Variants in DAB2IP observed in about 807,000 individuals in gnomAD.
DAB2IP encodes the protein disabled homolog 2-interacting protein.
Under a neutral mutation model 107.2 loss-of-function variants are expected in DAB2IP, and 28 were observed. The ratio of observed to expected loss-of-function variants is 0.26; its 90% CI spans 0.19 to 0.36. The LOEUF (loss-of-function observed/expected upper bound fraction) is 0.36, where lower values mean the gene tolerates loss of function less well. Ranked by LOEUF, DAB2IP falls within the 10% of genes least tolerant of loss-of-function variation. The pLI, the probability that DAB2IP is intolerant of heterozygous loss-of-function variation, is 1.00. For synonymous variants in DAB2IP, 755 were observed against 706.4 expected, an observed-to-expected ratio of 1.07 and a Z score of -1.09; for missense variants, 1,400 against 1,644.7, an observed-to-expected ratio of 0.85 and a Z score of 2.57.
chr9:121,696,252 T>G (rs1295631250), intron 2 of DAB2IP, among the ~76,000 whole-genome samples: 1 of 152,208 alleles, frequency 6.6e-6, no homozygotes, highest in Non-Finnish European at 1.5e-5. Context: ...CTTAGCTGTC[T>G]TCTCTTGCAG....
At chr9:121,625,443 G>A (rs894592802) in intron 1 of DAB2IP, among the ~76,000 whole-genome samples, 10 of 151,528 alleles carry the variant, frequency 6.6e-5, no homozygotes, top group African/African-American at 2.4e-4. Context: ...TACCTTTTTA[G>A]TAGAGACAGG....
intron 8 of DAB2IP, among the ~76,000 whole-genome samples, chr9:121,766,226 A>C (rs1011780651): frequency 4.7e-4 from 72 of 152,238 alleles, no homozygotes; most frequent in Non-Finnish European, 8.8e-4. Flanking sequence ...GCCTCCTCCC[A>C]TCCCACCTGC....
At chr9:121,672,099 G>T (rs1293570206) in intron 1 of DAB2IP, among the ~76,000 whole-genome samples, 1 of 152,194 alleles carries the variant, frequency 6.6e-6, no homozygotes, top group Admixed American at 6.5e-5. Context: ...TTAATTTCTA[G>T]ACTGGTTTCT....
At chr9:121,770,061 C>T (rs1241279381) in intron 10 of DAB2IP, among the ~76,000 whole-genome samples, 1 of 152,226 alleles carries the variant, frequency 6.6e-6, no homozygotes, top group Non-Finnish European at 1.5e-5. Flanking sequence ...TCAGGCACTG[C>T]CTTCTGCCTG....
At chr9:121,744,012 T>C (rs1208366153) in intron 3 of DAB2IP, among the ~76,000 whole-genome samples, 1 of 152,204 alleles carries the variant, frequency 6.6e-6, no homozygotes, top group Non-Finnish European at 1.5e-5. Context: ...TGTGAGTTGC[T>C]CTGTCCCCCA....
chr9:121,749,826 C>T (rs868270893), intron 3 of DAB2IP, among the ~76,000 whole-genome samples: 7 of 152,160 alleles, frequency 4.6e-5, no homozygotes, highest in African/African-American at 9.7e-5. Flanking sequence ...GCGTTTGAGT[C>T]GTCACGGGAC....
chr9:121,726,831 C>T (rs973149516), intron 3 of DAB2IP, among the ~76,000 whole-genome samples: 1 of 152,122 alleles, frequency 6.6e-6, no homozygotes, highest in African/African-American at 2.4e-5. Flanking sequence ...ACTGAGGGCT[C>T]AGCCCTGTAT....
At position 121,699,971 on chromosome 9, in the gene DAB2IP, G is replaced by C. The variant is rs1432657568; in HGVS notation, c.362+513G>C. 6.6e-6 allele frequency among the ~76,000 whole-genome samples: 1 copy of C among 152,214 alleles called. No homozygotes were observed. Among genetic ancestry groups the C allele is most frequent in the Non-Finnish European group, 1.5e-5 (1 of 68,016 alleles). ...AGCAGGGGGCTGGGCCACTTAGGGG[G>C]CACATCTGCTCTAAGTAGGGCGCGT... On this transcript the variant is annotated intron_variant, in intron 3 of 15. Coordinates refer to ENST00000408936, the Ensembl canonical transcript of DAB2IP. This position sits in a 1 kb window ranked among gnomAD's most constrained non-coding sequence, Gnocchi z 6.2.
chr9:121,618,780 A>C (rs527862698), intron 1 of DAB2IP, among the ~76,000 whole-genome samples: 7 of 152,226 alleles, frequency 4.6e-5, no homozygotes, highest in Non-Finnish European at 1.0e-4. Flanking sequence ...AAAGATTCTG[A>C]AACCACCTCT....
intron 2 of DAB2IP, among the ~76,000 whole-genome samples, chr9:121,681,742 TG>T (rs753366485): frequency 6.6e-6 from 1 of 152,158 alleles, no homozygotes; most frequent in Non-Finnish European, 1.5e-5. Context: ...GATTCTCTTC[TG>T]GGCTGGGTGC....
chr9:121,771,659 TC>T (rs1446658389), intron 11 of DAB2IP, among the ~76,000 whole-genome samples: 1 of 152,016 alleles, frequency 6.6e-6, no homozygotes, highest in Non-Finnish European at 1.5e-5. Flanking sequence ...GCCCGTGAGT[TC>T]TGAAAAGACT....
chr9:121,621,593 G>A (rs548867911), intron 1 of DAB2IP, among the ~76,000 whole-genome samples: 1 of 150,758 alleles, frequency 6.6e-6, no homozygotes, highest in East Asian at 2.0e-4. Context: ...CCAGTCCCCT[G>A]TCTCCCATCA....
chr9:121,777,830 T>C lies in DAB2IP; in HGVS notation c.3314+1439T>C, dbSNP rs532116497. Among the ~76,000 whole-genome samples the C allele has an allele frequency of 2.6e-5, 4 of 152,380 alleles. 1 individual carries two copies. The South Asian group carries it at 8.3e-4, about 32-fold the overall frequency. On this transcript the variant is annotated intron_variant, in intron 14 of 15. Coordinates refer to ENST00000408936, the Ensembl canonical transcript of DAB2IP. Reference sequence around the variant, plus strand: ...TAGGTGCATATACATTTAGGCTGTTTATGTACTATTGTTGAATTAACCTCT... The same window carrying C: ...TAGGTGCATATACATTTAGGCTGTTCATGTACTATTGTTGAATTAACCTCT...
At chr9:121,617,835 G>A (rs1297860235) in intron 1 of DAB2IP, among the ~76,000 whole-genome samples, 1 of 152,238 alleles carries the variant, frequency 6.6e-6, no homozygotes, top group Non-Finnish European at 1.5e-5. Context: ...GAGCTCATCA[G>A]ATGCCCAGTG....
In DAB2IP at chr9:121,760,487, G is replaced by A. The variant is rs1366259295; in HGVS notation, c.1170+48G>A. The stretch of plus-strand genomic sequence containing the variant: ...CTGACACAGGCTGGGCGGCAGCACT[G>A]GGTTACCTGCCCTTCCTCACATCCG... On this transcript the variant is annotated intron_variant, in intron 6 of 15. Coordinates refer to ENST00000408936, the Ensembl canonical transcript of DAB2IP. This position sits in a 1 kb window ranked among gnomAD's most constrained non-coding sequence, Gnocchi z 5.9. 1 of 1,512,054 alleles carries A rather than the reference G, an allele frequency of 6.6e-7. No homozygotes were observed. Among genetic ancestry groups the A allele is most frequent in the Non-Finnish European group, 8.8e-7 (1 of 1,135,082 alleles). The allele number at this position is 1,512,054 out of a possible 1,614,324, so 93.7% of individuals were successfully genotyped here. A position where few individuals can be genotyped will look rare whatever the true frequency, so the allele number is the denominator to read the frequency against.
At chr9:121,630,929 T>C (rs1474274733) in intron 1 of DAB2IP, among the ~76,000 whole-genome samples, 1 of 152,182 alleles carries the variant, frequency 6.6e-6, no homozygotes, top group Non-Finnish European at 1.5e-5. Flanking sequence ...TTTAAAAACA[T>C]TTTTCTGAGA....
intron 1 of DAB2IP, among the ~76,000 whole-genome samples, chr9:121,666,271 G>A (rs1833418139): frequency 6.6e-6 from 1 of 152,186 alleles, no homozygotes; most frequent in Non-Finnish European, 1.5e-5. Context: ...GGTAATCCAA[G>A]ATAATCTCCT....
intron 1 of DAB2IP, among the ~76,000 whole-genome samples, chr9:121,614,337 C>CTTTTTTT (rs35959966): frequency 9.2e-4 from 94 of 102,702 alleles, no homozygotes; most frequent in African/African-American, 1.3e-3. Flanking sequence ...TCTTTCTTTT[C>CTTTTTTT]TTTTTTTTTT....
At chr9:121,581,284 G>A (rs1458659962) in intron 1 of DAB2IP, among the ~76,000 whole-genome samples, 1 of 152,162 alleles carries the variant, frequency 6.6e-6, no homozygotes, top group African/African-American at 2.4e-5. Flanking sequence ...ACCTTCGCCA[G>A]ACCTGCTCAG....
Sources: allele counts gnomAD v4.1 joint callset (sites outside exome capture counted in the v4.1 genomes callset), GRCh38; gene constraint gnomAD v4.1.1; non-coding constraint Gnocchi (gnomAD v3.1); transcripts MANE v1.5; gene names NCBI Gene and HGNC (gene_info 2026-07-23, HGNC 2026-07-21).